Variants in NID1 observed in about 807,000 individuals in gnomAD.
The protein encoded by NID1 is nidogen-1.
Under a neutral mutation model 130.6 loss-of-function variants are expected in NID1, and 76 were observed. The ratio of observed to expected loss-of-function variants is 0.58; its 90% CI spans 0.48 to 0.70. The LOEUF (loss-of-function observed/expected upper bound fraction) is 0.70. NID1 is among the 30% of genes least tolerant of loss of function. NID1 has a pLI of 0.00. For missense variants in NID1, 1,517 were observed against 1,664.8 expected, an observed-to-expected ratio of 0.91 and a Z score of 1.54; for synonymous variants, 665 against 675.1, an observed-to-expected ratio of 0.98 and a Z score of 0.23.
rs1659577273 is a variant in NID1 at position 236,045,549 on chromosome 1, T to G, written c.660A>C (p.Ala220=). 2 of 1,614,164 alleles carry G rather than the reference T, an allele frequency of 1.2e-6. No homozygotes were observed. The highest frequency in any genetic ancestry group is 1.7e-6 in the Non-Finnish European group (2 of 1,180,018). ...AGAATCCCACTGAACCTTGACTGAA[T>G]GCAACCACGGCAGGAACTTGGTTGT... ...KENNQVPAVV[A]FSQGSVGFLW... Residue 220 remains alanine (A), a synonymous_variant, in exon 3 of 20, where the codon GCA becomes GCC. Coordinates refer to ENST00000264187, the MANE Select transcript of NID1 (RefSeq NM_002508.3).
At chr1:236,058,034 A>C (rs1659943481) in intron 1 of NID1, among the ~76,000 whole-genome samples, 1 of 152,184 alleles carries the variant, frequency 6.6e-6, no homozygotes, top group Non-Finnish European at 1.5e-5. Flanking sequence ...GGGTGAATGC[A>C]TTTCTGAGAA....
intron 16 of NID1, 33 bp from the exon 17 acceptor site, chr1:235,980,686 G>T (rs1426595641): frequency 3.7e-6 from 6 of 1,603,784 alleles, no homozygotes; most frequent in Non-Finnish European, 5.1e-6. Context: ...AAGAGGAAAA[G>T]AAATAATAAG....
chr1:235,998,948 G>T (rs1658002618), intron 12 of NID1, among the ~76,000 whole-genome samples: 1 of 152,194 alleles, frequency 6.6e-6, no homozygotes, highest in Non-Finnish European at 1.5e-5. Context: ...CTGGTTGGTG[G>T]CTCAGTTCTA....
chr1:236,026,003 G>A lies in NID1; in HGVS notation c.1877C>T (p.Ala626Val), dbSNP rs746614134. The A allele has an allele frequency of 1.9e-6, 3 of 1,613,608 alleles. No individual in the cohort carries two copies. The highest frequency in any genetic ancestry group is 3.3e-5 in the Admixed American group (2 of 59,960). Residue 626 changes from alanine to valine, a missense_variant, in exon 8 of 20, where the codon GCC (alanine) becomes GTC (valine). By Grantham distance (64) the Ala-to-Val change is moderately conservative. Transcript: ENST00000264187. ...QECVHDDSRP[A>V]LPSTQQLSVD... ...CGAGAGCTGCTGGGTGCTGGGCAGG[G>A]CTGGCCGGGAGTCATCGTGGACGCA...
intron 12 of NID1, among the ~76,000 whole-genome samples, chr1:236,004,761 C>CAA (rs61480988): frequency 0.26 from 17,356 of 67,170 alleles, 3,041 homozygotes; most frequent in East Asian, 0.66. Flanking sequence ...GACTCTGTCT[C>CAA]AAAAAAAAAA....
Position 236,042,278 on chromosome 1 carries a change from C to G in NID1, c.767G>C (p.Gly256Ala), listed in dbSNP as rs143338372. 1.9e-6 allele frequency: 3 copies of G among 1,603,244 alleles called. No individual in the cohort carries two copies. In the African/African-American group the frequency reaches 4.0e-5, roughly 21 times the overall value. ...CTCAAACACCCAGACACCCTGCTGC[C>G]CAGAGTTACTACTCCTAGGAGGAAG... ...VENLAKSSNSGQQGVWVFEIG... is the reference protein window; with the variant it reads ...VENLAKSSNSAQQGVWVFEIG... Residue 256 changes from glycine (G) to alanine (A), a missense_variant, in exon 4 of 20, where the codon GGG becomes GCG. Gly to Ala is a moderately conservative substitution (Grantham distance 60). This residue lies in a region of NID1 where 1,329 missense variants were observed against 1,429.2 expected (regional missense o/e 0.93). Coordinates refer to ENST00000264187, the MANE Select transcript of NID1 (RefSeq NM_002508.3).
chr1:236,027,076 A>C (rs1658955348), intron 7 of NID1, among the ~76,000 whole-genome samples: 1 of 152,116 alleles, frequency 6.6e-6, no homozygotes, highest in Non-Finnish European at 1.5e-5. Flanking sequence ...GTCTAGACCA[A>C]GCCATCCTGC....
rs191907375 is a variant in NID1, at chr1:236,053,231, C to G, written c.226-4242G>C. Among the ~76,000 whole-genome samples the G allele has an allele frequency of 7.2e-5, 11 of 152,252 alleles. No homozygotes were observed. In the East Asian group the frequency reaches 1.9e-3, roughly 27 times the overall value. On this transcript the variant is annotated intron_variant, in intron 1 of 19. Coordinates refer to ENST00000264187, the MANE Select transcript of NID1 (RefSeq NM_002508.3). ...CATTTATTTATTTCAATGTTTAATA[C>G]TAGAAGTGTTTTGGGCTTCATGGGA...
At chr1:236,061,528 C>T (rs536151549) in intron 1 of NID1, among the ~76,000 whole-genome samples, 2 of 152,126 alleles carry the variant, frequency 1.3e-5, no homozygotes, top group Admixed American at 1.3e-4. Context: ...TGCAATGGCG[C>T]GATCTTGGCT....
intron 17 of NID1, among the ~76,000 whole-genome samples, chr1:235,980,179 C>T (rs1027749639): frequency 3.9e-5 from 6 of 152,168 alleles, no homozygotes; most frequent in Non-Finnish European, 5.9e-5. Context: ...AATTGCTTAT[C>T]GGTATCAGGG....
intron 8 of NID1, among the ~76,000 whole-genome samples, chr1:236,025,315 G>T (rs1367400684): frequency 2.0e-5 from 3 of 149,304 alleles, no homozygotes; most frequent in African/African-American, 7.5e-5. Flanking sequence ...AGGCTGGAGT[G>T]CAGTGGTGCG....
At position 236,045,485 on chromosome 1, in the gene NID1, C is replaced by T; in HGVS notation, c.724G>A (p.Asp242Asn). 4 of 1,614,112 alleles carry T rather than the reference C, an allele frequency of 2.5e-6. No homozygotes were observed. The highest frequency in any genetic ancestry group is 3.4e-6 in the Non-Finnish European group (4 of 1,180,026). Residue 242 changes from aspartate to asparagine, a missense_variant, in exon 3 of 20, where the codon GAC becomes AAC. Asp to Asn is a conservative substitution (Grantham distance 23). Around this residue, in one of 3 missense-constraint regions of NID1, gnomAD observed 1,329 missense variants for 1,429.2 expected, o/e 0.93. Coordinates refer to ENST00000264187, the MANE Select transcript of NID1 (RefSeq NM_002508.3). ...GCCAAATTTTCAACTGATTCCCTGT[C>T]ATTAGCAAATATGTTATAAGCTCCG... Reference protein sequence around the residue: ...SNGAYNIFANDRESVENLAKS... With the variant: ...SNGAYNIFANNRESVENLAKS...
intron 6 of NID1, among the ~76,000 whole-genome samples, chr1:236,031,787 A>G (rs1052767789): frequency 2.0e-5 from 3 of 152,154 alleles, no homozygotes. Context: ...CCACAACACC[A>G]AGGAAACATC....
chr1:236,064,935 C>T lies in NID1; in HGVS notation c.145G>A (p.Gly49Arg), dbSNP rs1571913535. The change falls in exon 1 of 20, where the codon GGG becomes AGG. Residue 49 changes from glycine to arginine, a missense_variant. Gly to Arg is a moderately radical substitution (Grantham distance 125). Transcript: ENST00000264187. ...PGQGDLELEDGDDFVSPALEL... is the reference protein window; with the variant it reads ...PGQGDLELEDRDDFVSPALEL... Reference sequence around the variant, plus strand: ...AGGGCAGGAGAGACGAAGTCATCCCCGTCCTCCAGCTCCAGGTCCCCCTGT... The same window carrying T: ...AGGGCAGGAGAGACGAAGTCATCCCTGTCCTCCAGCTCCAGGTCCCCCTGT... The T allele has an allele frequency of 6.2e-7, 1 of 1,609,980 alleles. No homozygotes were observed.
At chr1:236,044,044 AATTAT>A (rs1005369049) in intron 3 of NID1, among the ~76,000 whole-genome samples, 14 of 152,200 alleles carry the variant, frequency 9.2e-5, no homozygotes, top group African/African-American at 3.4e-4. Flanking sequence ...TACATGAAAT[AATTAT>A]ATTATACGGT....
chr1:236,042,672 C>T (rs1224393365), intron 3 of NID1, among the ~76,000 whole-genome samples: 2 of 152,244 alleles, frequency 1.3e-5, no homozygotes, highest in Non-Finnish European at 2.9e-5. Context: ...GTCATTCATG[C>T]TCTCCACTAT....
intron 12 of NID1, among the ~76,000 whole-genome samples, chr1:236,001,695 A>G (rs1658080806): frequency 6.6e-6 from 1 of 152,214 alleles, no homozygotes; most frequent in African/African-American, 2.4e-5. Context: ...AGAGAGGAAG[A>G]CGAATGGCCA....
intron 4 of NID1, among the ~76,000 whole-genome samples, chr1:236,038,717 TTATATA>T: frequency 8.6e-6 from 1 of 115,634 alleles, no homozygotes; most frequent in Non-Finnish European, 1.8e-5. Context: ...ATTACCTATG[TTATATA>T]GGTCATATAT....
chr1:235,984,703 A>G (rs1332001665), intron 15 of NID1, among the ~76,000 whole-genome samples: 1 of 152,240 alleles, frequency 6.6e-6, no homozygotes, highest in African/African-American at 2.4e-5. Flanking sequence ...TGACCATTTC[A>G]GCACAGTGGA....
Sources: allele counts gnomAD v4.1 joint callset (sites outside exome capture counted in the v4.1 genomes callset), GRCh38; gene constraint gnomAD v4.1.1; regional missense constraint gnomAD v4.1.1; transcripts MANE v1.5; gene names NCBI Gene and HGNC (gene_info 2026-07-23, HGNC 2026-07-21).